Variants in NR5A2 observed in about 807,000 individuals in gnomAD.
NR5A2 encodes nuclear receptor subfamily 5 group A member 2, also known as CYP7A promoter-binding factor.
A neutral mutation model predicts 62.7 loss-of-function variants in NR5A2; 26 were observed. The ratio of observed to expected loss-of-function variants is 0.41; its 90% CI spans 0.30 to 0.58. The LOEUF is 0.58. NR5A2 is among the 20% of genes least tolerant of loss of function. NR5A2 has a pLI of 0.22. For synonymous variants in NR5A2, 246 were observed against 241.7 expected, an observed-to-expected ratio of 1.02 and a Z score of -0.16; for missense variants, 541 against 669.1, an observed-to-expected ratio of 0.81 and a Z score of 2.11.
chr1:200,090,880 C>T (rs1558131896), intron 5 of NR5A2, among the ~76,000 whole-genome samples: 1 of 152,190 alleles, frequency 6.6e-6, no homozygotes. Context: ...CATTCACGTA[C>T]ACAATAAATC....
At chr1:200,066,001 G>A (rs1663449688) in intron 5 of NR5A2, among the ~76,000 whole-genome samples, 1 of 152,130 alleles carries the variant, frequency 6.6e-6, no homozygotes, top group South Asian at 2.1e-4. Flanking sequence ...GCTCCTGGAG[G>A]GCTTGGATTT....
Position 200,147,692 on chromosome 1 carries a change from C to T in NR5A2, c.1379-26271C>T, listed in dbSNP as rs1571556460. 1.5e-5 allele frequency: 10 copies of T among 678,562 alleles called. No homozygotes were observed. The East Asian group carries it at 3.2e-4, about 21-fold the overall frequency. The allele number at this position is 678,562 out of a possible 1,614,324, so 42.0% of individuals were successfully genotyped here. On this transcript the variant is annotated intron_variant, in intron 7 of 7. Coordinates refer to ENST00000367362, the MANE Select transcript of NR5A2 (RefSeq NM_205860.3). This position sits in a 1 kb window ranked among gnomAD's most constrained non-coding sequence, Gnocchi z 4.9. ...TGGAAGACATGGGTGGACTTGGGCT[C>T]CGAGGCGATCTCCTCCAGCTCCTCC...
intron 6 of NR5A2, among the ~76,000 whole-genome samples, chr1:200,113,383 A>G (rs1666053322): frequency 6.6e-6 from 1 of 152,138 alleles, no homozygotes; most frequent in Admixed American, 6.5e-5. Context: ...AGACATTCTC[A>G]TTTATGGCAA....
chr1:200,113,827 G>A (rs2249172), intron 6 of NR5A2, among the ~76,000 whole-genome samples: 66,016 of 151,914 alleles, frequency 0.43, 14,707 homozygotes, highest in East Asian at 0.68. Context: ...ATGAGTGGAA[G>A]GAAAGGAATA....
chr1:200,164,879 T>C (rs1332456580), intron 7 of NR5A2, among the ~76,000 whole-genome samples: 2 of 142,130 alleles, frequency 1.4e-5, no homozygotes, highest in East Asian at 4.0e-4. Context: ...TTTTTTTTTT[T>C]TTTTTTTTTT....
intron 6 of NR5A2, among the ~76,000 whole-genome samples, chr1:200,118,828 A>C (rs1371915518): frequency 6.6e-6 from 1 of 152,190 alleles, no homozygotes; most frequent in Non-Finnish European, 1.5e-5. Context: ...AAATAATCCC[A>C]ATGTGCCCCA....
At chr1:200,083,967 AAATAAT>A (rs149200240) in intron 5 of NR5A2, among the ~76,000 whole-genome samples, 20,528 of 142,572 alleles carry the variant, frequency 0.14, 1,547 homozygotes, top group African/African-American at 0.16. Context: ...CTCCATCTCA[AAATAAT>A]AATAATAATA....
At chr1:200,143,043 GTA>G (rs571878449) in intron 7 of NR5A2, among the ~76,000 whole-genome samples, 49 of 150,418 alleles carry the variant, frequency 3.3e-4, no homozygotes, top group Admixed American at 2.5e-3. Flanking sequence ...AAGTGTGTGT[GTA>G]TGTGTGTGTG....
Position 200,039,859 on chromosome 1 carries a change from G to A in NR5A2, c.202+64G>A, listed in dbSNP as rs577150414. ...TCCCCACCCCCGGGCTCGCCCTGCA[G>A]GCTTCAGCCTCCCGCCCCGCGCGGG... On this transcript the variant is annotated intron_variant, in intron 2 of 7. Transcript: ENST00000367362. The surrounding 1 kb of genome is among the most constrained non-coding windows in gnomAD (Gnocchi z 5.1). 772 of 1,516,984 alleles carry A rather than the reference G, an allele frequency of 5.1e-4. 1 individual carries two copies. Among genetic ancestry groups the A allele is most frequent in the Non-Finnish European group, 4.6e-4 (521 of 1,139,962 alleles). The allele number at this position is 1,516,984 out of a possible 1,614,324, so 94.0% of individuals were successfully genotyped here. A position where few individuals can be genotyped will look rare whatever the true frequency, so the allele number is the denominator to read the frequency against.
intron 7 of NR5A2, among the ~76,000 whole-genome samples, chr1:200,153,862 G>C (rs926413552): frequency 6.6e-6 from 1 of 152,018 alleles, no homozygotes; most frequent in Non-Finnish European, 1.5e-5. Context: ...ATCAAACACA[G>C]ATGAAAGCAA....
chr1:200,163,088 C>G (rs950116355), intron 7 of NR5A2, among the ~76,000 whole-genome samples: 1 of 152,136 alleles, frequency 6.6e-6, no homozygotes, highest in African/African-American at 2.4e-5. Context: ...AACAAGCAGG[C>G]TTGGCACTAC....
chr1:200,119,292 TCTC>T (rs372741841), intron 6 of NR5A2, among the ~76,000 whole-genome samples: 131 of 152,288 alleles, frequency 8.6e-4, no homozygotes, highest in African/African-American at 2.9e-3. Context: ...CCCTGTGCCT[TCTC>T]CTAGAGAAGC....
At chr1:200,079,541 A>G (rs1314550088) in intron 5 of NR5A2, among the ~76,000 whole-genome samples, 1 of 152,250 alleles carries the variant, frequency 6.6e-6, no homozygotes, top group Non-Finnish European at 1.5e-5. Flanking sequence ...CCTGGGGCCT[A>G]AAACGGGCAT....
At chr1:200,066,347 C>G (rs1244429194) in intron 5 of NR5A2, among the ~76,000 whole-genome samples, 3 of 151,938 alleles carry the variant, frequency 2.0e-5, no homozygotes, top group Non-Finnish European at 4.4e-5. Context: ...AGAAGGGGAA[C>G]CAGACCATCT....
intron 5 of NR5A2, among the ~76,000 whole-genome samples, chr1:200,051,744 G>A (rs1662643982): frequency 6.6e-6 from 1 of 152,170 alleles, no homozygotes; most frequent in Non-Finnish European, 1.5e-5. Context: ...ATTGACATTT[G>A]GAAGAATTCC....
chr1:200,105,758 T>G (rs2816982), intron 5 of NR5A2, among the ~76,000 whole-genome samples: 134,181 of 152,018 alleles, frequency 0.88, 59,384 homozygotes, highest in East Asian at 0.97. Flanking sequence ...TCAAAACCAG[T>G]CTGGGCAACA....
Position 200,048,062 on chromosome 1 carries a change from C to T in NR5A2, c.464-110C>T. ...TGTGGGCTATTGTAACGAAAACAACCACACACATACCACTTCTTGTCGATT... is the reference window on the plus strand; with the variant it reads ...TGTGGGCTATTGTAACGAAAACAACTACACACATACCACTTCTTGTCGATT... On this transcript the variant is annotated intron_variant, in intron 4 of 7. Transcript: ENST00000367362. This position sits in a 1 kb window ranked among gnomAD's most constrained non-coding sequence, Gnocchi z 4.8. 1 of 1,044,474 alleles carries T rather than the reference C, an allele frequency of 9.6e-7. No individual in the cohort carries two copies. The highest frequency in any genetic ancestry group is 1.6e-5 in the African/African-American group (1 of 62,870). The allele number at this position is 1,044,474 out of a possible 1,614,324, so 64.7% of individuals were successfully genotyped here.
intron 6 of NR5A2, among the ~76,000 whole-genome samples, chr1:200,118,657 A>C (rs1324100889): frequency 2.0e-5 from 3 of 152,190 alleles, no homozygotes; most frequent in African/African-American, 7.2e-5. Flanking sequence ...AGTCTCAGTA[A>C]AATTTGTATT....
chr1:200,052,700 GGT>G (rs1662695901), intron 5 of NR5A2, among the ~76,000 whole-genome samples: 1 of 151,472 alleles, frequency 6.6e-6, no homozygotes, highest in South Asian at 2.1e-4. Context: ...GGAGTGCAGT[GGT>G]GCGATCTTGG....
Sources: allele counts gnomAD v4.1 joint callset (sites outside exome capture counted in the v4.1 genomes callset), GRCh38; gene constraint gnomAD v4.1.1; non-coding constraint Gnocchi (gnomAD v3.1); transcripts MANE v1.5; gene names NCBI Gene and HGNC (gene_info 2026-07-23, HGNC 2026-07-21).